Variants in FAM53B observed in about 807,000 individuals in gnomAD.
The protein encoded by FAM53B is family with sequence similarity 53 member B, also known as protein FAM53B.
FAM53B carries 12 observed loss-of-function variants against 32.7 expected under a neutral mutation model. The observed-to-expected ratio is 0.37, with a 90% CI of 0.24 to 0.59. The LOEUF is 0.59. Among genes scored for constraint, FAM53B ranks in the 20% least tolerant of loss-of-function variants. The pLI is 0.72. For synonymous variants in FAM53B, 234 were observed against 228.7 expected, an observed-to-expected ratio of 1.02 and a Z score of -0.21; for missense variants, 477 against 577.7, an observed-to-expected ratio of 0.83 and a Z score of 1.79.
Position 124,726,839 on chromosome 10 carries a change from A to C in FAM53B, c.-175+17174T>G, listed in dbSNP as rs1414257318. ...CTTGCTGTATTGAGTCTCTGTCAAA[A>C]GAAAGAGCTGAGATACATGTTTCAT... is the stretch of plus-strand genomic sequence containing the variant. On this transcript the variant is annotated intron_variant, in intron 1 of 4. Coordinates refer to ENST00000337318, the MANE Select transcript of FAM53B (RefSeq NM_014661.4). Among the ~76,000 whole-genome samples, 4 of 152,350 alleles carry C rather than the reference A, an allele frequency of 2.6e-5. No homozygotes were observed. In the East Asian group the frequency reaches 7.7e-4, roughly 29 times the overall value.
At chr10:124,664,863 A>C (rs1051911515) in intron 4 of FAM53B, among the ~76,000 whole-genome samples, 1 of 152,134 alleles carries the variant, frequency 6.6e-6, no homozygotes, top group South Asian at 2.1e-4. Context: ...GGCCAGAGGG[A>C]AGTCCCAAAG....
chr10:124,658,637 A>AGGT (rs2134055134), intron 4 of FAM53B, among the ~76,000 whole-genome samples: 1 of 152,314 alleles, frequency 6.6e-6, no homozygotes, highest in Admixed American at 6.5e-5. Flanking sequence ...AGAGGGAGGA[A>AGGT]GGTGCACACG....
chr10:124,649,244 A>G (rs1163665168), intron 4 of FAM53B, among the ~76,000 whole-genome samples: 1 of 152,212 alleles, frequency 6.6e-6, no homozygotes, highest in African/African-American at 2.4e-5. Context: ...ACCAGCCTGG[A>G]TTATTTCGAA....
intron 4 of FAM53B, among the ~76,000 whole-genome samples, chr10:124,672,911 A>G (rs910372816): frequency 4.6e-5 from 7 of 152,254 alleles, no homozygotes; most frequent in African/African-American, 1.7e-4. Context: ...TACTGAGAAC[A>G]GATCAAGAAG....
chr10:124,696,291 A>C (rs1052286965), intron 2 of FAM53B, 79 bp from the exon 3 acceptor site: 33 of 1,228,284 alleles, frequency 2.7e-5, no homozygotes, highest in Non-Finnish European at 3.9e-5. Flanking sequence ...TCCCTTCTAA[A>C]GTCACAATAA....
chr10:124,630,657 C>T (rs927892252), intron 4 of FAM53B, among the ~76,000 whole-genome samples: 1 of 152,206 alleles, frequency 6.6e-6, no homozygotes, highest in African/African-American at 2.4e-5. Context: ...ACTGATTTGG[C>T]AATGGATACT....
chr10:124,638,193 C>T (rs1445539511), intron 4 of FAM53B, among the ~76,000 whole-genome samples: 3 of 152,166 alleles, frequency 2.0e-5, no homozygotes, highest in Non-Finnish European at 4.4e-5. Flanking sequence ...CACAGTGAAA[C>T]CCCGTCTCTA....
intron 1 of FAM53B, among the ~76,000 whole-genome samples, chr10:124,734,216 G>A (rs1041922869): frequency 6.6e-5 from 10 of 152,210 alleles, no homozygotes; most frequent in Non-Finnish European, 1.5e-4. Flanking sequence ...AAAACCTGCA[G>A]TCTGACTGTC....
chr10:124,720,125 T>C (rs1828864199), intron 1 of FAM53B, among the ~76,000 whole-genome samples: 1 of 149,782 alleles, frequency 6.7e-6, no homozygotes, highest in African/African-American at 2.5e-5. Context: ...ATCGCGCCAT[T>C]GCACTCCAGC....
chr10:124,736,825 C>T (rs1477951069), intron 1 of FAM53B, among the ~76,000 whole-genome samples: 1 of 152,258 alleles, frequency 6.6e-6, no homozygotes, highest in African/African-American at 2.4e-5. Flanking sequence ...GCTCGAGGGC[C>T]CACCCACGCC....
intron 3 of FAM53B, among the ~76,000 whole-genome samples, chr10:124,684,641 T>C (rs1198346952): frequency 6.6e-6 from 1 of 152,198 alleles, no homozygotes; most frequent in Non-Finnish European, 1.5e-5. Flanking sequence ...TGCCTCAGCC[T>C]CCTAAGTAGC....
At position 124,667,564 on chromosome 10, in the gene FAM53B, TGAG is replaced by T. The variant is rs1949680841; in HGVS notation, c.906+14040_906+14042del. On this transcript the variant is annotated intron_variant, in intron 4 of 4. Transcript: ENST00000337318. ...CTCTGAGCCTCCACATCCACAGGGC[TGAG>T]GAGGACCGGGCAGGGCTGGGAGAGG... 27 of 653,778 alleles carry T rather than the reference TGAG, an allele frequency of 4.1e-5. No homozygotes were observed. In the South Asian group the frequency reaches 4.7e-4, roughly 11 times the overall value. 40.5% of individuals were successfully genotyped at this position (653,778 alleles called of 1,614,324 possible). A position where few individuals can be genotyped will look rare whatever the true frequency, so the allele number is the denominator to read the frequency against.
At chr10:124,722,972 A>T (rs1950078678) in intron 1 of FAM53B, among the ~76,000 whole-genome samples, 1 of 152,150 alleles carries the variant, frequency 6.6e-6, no homozygotes, top group Admixed American at 6.5e-5. Context: ...AGAACTTGCC[A>T]CCCACTTCCC....
At chr10:124,693,466 CAAAAAAAAA>C (rs60351967) in intron 3 of FAM53B, among the ~76,000 whole-genome samples, 1 of 94,796 alleles carries the variant, frequency 1.1e-5, no homozygotes, top group Non-Finnish European at 2.2e-5. Flanking sequence ...GACTCTGTCT[CAAAAAAAAA>C]AAAAAAAGAA....
rs564477991 is a variant in FAM53B at position 124,639,526 on chromosome 10, C to T, written c.907-15922G>A. 7.4e-4 allele frequency among the ~76,000 whole-genome samples: 112 copies of T among 152,240 alleles called. 2 individuals are homozygous for T. The South Asian group carries it at 0.023, about 31-fold the overall frequency. Reference sequence around the variant, plus strand: ...GGATCAGAAGGGGTCCTGGGAAGACCCAGCTCAAGGCCCAGGGTGCTTGGC... The same window carrying T: ...GGATCAGAAGGGGTCCTGGGAAGACTCAGCTCAAGGCCCAGGGTGCTTGGC... On this transcript the variant is annotated intron_variant, in intron 4 of 4. Transcript: ENST00000337318.
intron 1 of FAM53B, among the ~76,000 whole-genome samples, chr10:124,711,361 G>A (rs11245339): frequency 0.33 from 50,783 of 152,008 alleles, 8,778 homozygotes; most frequent in Admixed American, 0.41. Context: ...AAAAGACAGC[G>A]GGAGGGATCC....
In FAM53B at chr10:124,706,636, C is replaced by A; in HGVS notation, c.78G>T (p.Leu26=). 6.2e-7 allele frequency: 1 copy of A among 1,614,240 alleles called. No homozygotes were observed. The highest frequency in any genetic ancestry group is 1.6e-4 in the Middle Eastern group (1 of 6,062). ...SIACGTFSRE[L]HTPKKMSQGP... is the part of the protein sequence containing the mutation. ...AGCAGGAAGCCTGCCAGGTCCTCAC[C>A]AGTTCACGGCTGAAGGTCCCACATG... The change falls in exon 2 of 5, where the codon CTG becomes CTT. Residue 26 remains leucine, a splice_region_variant and synonymous_variant. Transcript: ENST00000337318.
At chr10:124,689,847 C>T (rs1035291694) in intron 3 of FAM53B, among the ~76,000 whole-genome samples, 2 of 152,256 alleles carry the variant, frequency 1.3e-5, no homozygotes, top group Non-Finnish European at 2.9e-5. Flanking sequence ...TCAATCTCAC[C>T]ATCTGCACAA....
chr10:124,729,813 G>A (rs1358417026), intron 1 of FAM53B, among the ~76,000 whole-genome samples: 2 of 152,210 alleles, frequency 1.3e-5, no homozygotes, highest in African/African-American at 4.8e-5. Flanking sequence ...TGGGGGAGAT[G>A]GGTCCAGCAC....
Sources: allele counts gnomAD v4.1 joint callset (sites outside exome capture counted in the v4.1 genomes callset), GRCh38; gene constraint gnomAD v4.1.1; transcripts MANE v1.5; gene names NCBI Gene and HGNC (gene_info 2026-07-23, HGNC 2026-07-21).